The following TG variants were observed in gnomAD, a reference collection of about 807,000 sequenced individuals.
TG encodes the protein thyroid hormones.
In TG, 270 loss-of-function variants were observed where a neutral mutation model predicts 324.7. The ratio of observed to expected loss-of-function variants is 0.83; its 90% CI spans 0.75 to 0.92. The LOEUF (loss-of-function observed/expected upper bound fraction) is 0.92. Among genes scored for constraint, TG ranks in the 40% least tolerant of loss-of-function variants. The probability of loss-of-function intolerance (pLI) is 0.00; values close to 1 mark genes in which losing one functional copy is unlikely to be tolerated. For synonymous variants in TG, 1,401 were observed against 1,327.0 expected, an observed-to-expected ratio of 1.06 and a Z score of -1.21; for missense variants, 3,591 against 3,456.4, an observed-to-expected ratio of 1.04 and a Z score of -0.98.
intron 22 of TG, 54 bp downstream of exon 22, chr8:132,923,562 CA>C: frequency 6.4e-7 from 1 of 1,567,174 alleles, no homozygotes; most frequent in East Asian, 2.3e-5. Context: ...GGAGTAGTCT[CA>C]AGGGCTTTTT....
chr8:132,934,269 A>T (rs1246007944), intron 24 of TG, among the ~76,000 whole-genome samples: 1 of 152,152 alleles, frequency 6.6e-6, no homozygotes, highest in Non-Finnish European at 1.5e-5. Flanking sequence ...CGGGAGGTGG[A>T]GGTTGCAGTG....
At chr8:133,131,686 C>T in intron 45 of TG, 126 bp from the exon 46 acceptor site, 1 of 1,392,168 alleles carries the variant, frequency 7.2e-7, no homozygotes, top group Admixed American at 2.3e-5. Context: ...AAACAGGATA[C>T]TTGGATATGA....
At chr8:132,952,459 C>G (rs551296318) in intron 27 of TG, among the ~76,000 whole-genome samples, 1 of 152,158 alleles carries the variant, frequency 6.6e-6, no homozygotes, top group Non-Finnish European at 1.5e-5. Flanking sequence ...CCCAGGCTGT[C>G]GAAGAATGCC....
chr8:132,871,587 G>A (rs780460285), intron 4 of TG, 36 bp downstream of exon 4: 4 of 1,600,824 alleles, frequency 2.5e-6, no homozygotes, highest in Non-Finnish European at 3.4e-6. Context: ...CCTAGAGCTG[G>A]GGAGGGGCTG....
intron 45 of TG, among the ~76,000 whole-genome samples, chr8:133,120,987 G>A (rs567664915): frequency 5.9e-5 from 9 of 152,148 alleles, no homozygotes; most frequent in Admixed American, 2.0e-4. Context: ...TTGCTGAGTA[G>A]TGTCCTCATG....
chr8:132,888,484 T>G lies in TG; in HGVS notation c.2677T>G (p.Phe893Val), dbSNP rs1815743939. The G allele has an allele frequency of 2.5e-6, 4 of 1,610,420 alleles. No individual in the cohort carries two copies. In the East Asian group the frequency reaches 8.9e-5, roughly 36 times the overall value. ...YSDFSTPLAH[F>V]DLRNCWCVDE... ...AGACTTCAGCACTCCTTTGGCACAT[T>G]TTGATCTTCGGAACTGCTGGTGTGT... The change falls in exon 10 of 48, where the codon TTT becomes GTT. Residue 893 changes from phenylalanine to valine, a missense_variant. Phe to Val is a conservative substitution (Grantham distance 50). Coordinates refer to ENST00000220616, the MANE Select transcript of TG (RefSeq NM_003235.5).
intron 41 of TG, among the ~76,000 whole-genome samples, chr8:133,067,929 GAGAA>G (rs1280204854): frequency 6.7e-6 from 1 of 148,674 alleles, no homozygotes; most frequent in South Asian, 2.1e-4. Flanking sequence ...GAGAGAGAGA[GAGAA>G]AGAAAGAAAG....
chr8:132,896,282 C>T (rs991260644), intron 11 of TG, among the ~76,000 whole-genome samples: 1 of 152,202 alleles, frequency 6.6e-6, no homozygotes, highest in African/African-American at 2.4e-5. Flanking sequence ...CAGAAGGAGG[C>T]CTGGCAGACT....
intron 34 of TG, among the ~76,000 whole-genome samples, chr8:132,973,312 A>G (rs1000108679): frequency 6.6e-6 from 1 of 152,228 alleles, no homozygotes; most frequent in Non-Finnish European, 1.5e-5. Flanking sequence ...AGTCCCATGG[A>G]GGAAAACGGG....
Position 132,967,848 on chromosome 8 carries a change from C to T in TG, c.5741C>T (p.Ser1914Phe). Residue 1914 changes from serine (S) to phenylalanine (F), a missense_variant, in exon 31 of 48, where the codon TCC (serine) becomes TTC (phenylalanine). Coordinates refer to ENST00000220616, the MANE Select transcript of TG (RefSeq NM_003235.5). The stretch of plus-strand genomic sequence containing the variant: ...CTCGCAGAGATAACAGAGAGTGCAT[C>T]CTTGTACTTCACCTGCACCCTCTAC... ...CQLAEITESA[S>F]LYFTCTLYPE... 6.2e-7 allele frequency: 1 copy of T among 1,613,996 alleles called. No homozygotes were observed. The highest frequency in any genetic ancestry group is 1.1e-5 in the South Asian group (1 of 91,084).
At chr8:133,093,143 T>TCTTTTC (rs55977841) in intron 41 of TG, among the ~76,000 whole-genome samples, 4 of 93,940 alleles carry the variant, frequency 4.3e-5, no homozygotes, top group African/African-American at 1.3e-4. Flanking sequence ...TCTTTTCTTT[T>TCTTTTC]TTTTTTTTAA....
chr8:132,870,882 A>G (rs1205364512), intron 3 of TG, among the ~76,000 whole-genome samples: 3 of 152,148 alleles, frequency 2.0e-5, no homozygotes, highest in African/African-American at 7.2e-5. Context: ...ATCTCTTCAT[A>G]AGGGATCCAC....
intron 43 of TG, among the ~76,000 whole-genome samples, chr8:133,112,199 T>C (rs1850312127): frequency 6.6e-6 from 1 of 152,278 alleles, no homozygotes; most frequent in African/African-American, 2.4e-5. Context: ...TGCTCATTGA[T>C]GGAATTCTAA....
chr8:132,941,976 C>A (rs1824513589), intron 26 of TG, among the ~76,000 whole-genome samples: 1 of 152,222 alleles, frequency 6.6e-6, no homozygotes. Flanking sequence ...AGCTCATTCC[C>A]ATTTCCCACC....
chr8:133,063,148 G>C (rs1842615587), intron 41 of TG, among the ~76,000 whole-genome samples: 1 of 151,154 alleles, frequency 6.6e-6, no homozygotes. Flanking sequence ...ACAGCAAACT[G>C]TCCCAACAAT....
chr8:133,115,908 C>T (rs1332194951), intron 44 of TG, among the ~76,000 whole-genome samples: 1 of 152,220 alleles, frequency 6.6e-6, no homozygotes, highest in Admixed American at 6.5e-5. Context: ...AGGGAGATTT[C>T]TCGGCTTCCT....
chr8:132,931,346 A>G (rs1235635074), intron 23 of TG, among the ~76,000 whole-genome samples: 2 of 152,224 alleles, frequency 1.3e-5, no homozygotes. Flanking sequence ...ACATGATACA[A>G]ATTGTGAGTT....
In TG at chr8:132,898,240, C is replaced by A. The variant is rs1817405333; in HGVS notation, c.3211C>A (p.Pro1071Thr). The change falls in exon 13 of 48, where the codon CCA becomes ACA. Residue 1071 changes from proline to threonine, a missense_variant. Transcript: ENST00000220616. ...GSLTARSLQI[P>T]QCPTTCEKSR... is the part of the protein sequence containing the mutation. ...ACTGACTGCCCGCTCTCTGCAGATT[C>A]CACAGTGTAAGTGAAGACTGCAGAG... The A allele has an allele frequency of 6.3e-7, 1 of 1,597,404 alleles. No individual in the cohort carries two copies. The highest frequency in any genetic ancestry group is 8.5e-7 in the Non-Finnish European group (1 of 1,171,740).
At chr8:133,098,509 C>T (rs1452702130) in intron 43 of TG, among the ~76,000 whole-genome samples, 1 of 152,208 alleles carries the variant, frequency 6.6e-6, no homozygotes, top group Non-Finnish European at 1.5e-5. Context: ...ATTTGATACC[C>T]TCCTACAGGG....
Sources: gnomAD v4.1 joint callset for allele counts (sites outside exome capture counted in the v4.1 genomes callset) on GRCh38, gnomAD v4.1.1 for gene constraint, MANE v1.5 for transcripts, NCBI Gene and HGNC (gene_info 2026-07-23, HGNC 2026-07-21) for gene names.